KDM6A: variants seen among roughly 807,000 people sequenced by gnomAD.
KDM6A encodes lysine-specific demethylase 6A.
KDM6A carries 11 observed loss-of-function variants against 117.6 expected under a neutral mutation model. The ratio of observed to expected loss-of-function variants is 0.09; its 90% CI spans 0.06 to 0.15. The LOEUF (loss-of-function observed/expected upper bound fraction) is 0.15. Among genes scored for constraint, KDM6A ranks in the 10% least tolerant of loss-of-function variants. The pLI is 1.00. For missense variants in KDM6A, 799 were observed against 1,077.3 expected (o/e 0.74, Z 3.62); for synonymous variants, 384 against 396.1 (o/e 0.97, Z 0.36).
chrX:44,981,808 G>T (rs1602432945), intron 4 of KDM6A, among the ~76,000 whole-genome samples: 1 of 111,872 alleles, frequency 8.9e-6, no homozygotes, highest in Non-Finnish European at 1.9e-5. Flanking sequence ...AGGGCTGGGC[G>T]CAGTAGCTCA....
chrX:44,881,607 ATAT>A (rs1170775641), intron 2 of KDM6A, among the ~76,000 whole-genome samples: 1 of 108,096 alleles, frequency 9.3e-6, no homozygotes, highest in Non-Finnish European at 1.9e-5. Flanking sequence ...TTACTTCTGT[ATAT>A]TATTAAAACT....
At chrX:44,971,874 C>A (rs2039361483) in intron 3 of KDM6A, among the ~76,000 whole-genome samples, 1 of 110,655 alleles carries the variant, frequency 9.0e-6, no homozygotes, top group East Asian at 2.8e-4. Context: ...GCAGCAAGGT[C>A]TGATAAGTGA....
chrX:45,040,291 C>A (rs1487081257), intron 8 of KDM6A, among the ~76,000 whole-genome samples: 20 of 100,401 alleles, frequency 2.0e-4, no homozygotes, highest in African/African-American at 7.3e-4. Context: ...CCACCTCCCT[C>A]CCGGACGGGG....
chrX:45,040,693 C>T, intron 8 of KDM6A, among the ~76,000 whole-genome samples: 1 of 74,342 alleles, frequency 1.3e-5, no homozygotes, highest in African/African-American at 5.4e-5. Flanking sequence ...CCACCTCCCT[C>T]CCGGACGGGG....
In KDM6A at chrX:45,076,645, T is replaced by C. The variant is rs1028268420; in HGVS notation, c.2859-52T>C. The stretch of plus-strand genomic sequence containing the variant: ...TAATTCAGGATTCTTTTTTTTTTTT[T>C]CTGTTTTCCAAATAAATGTACAACT... On this transcript the variant is annotated intron_variant, in intron 18 of 29. Transcript: ENST00000611820. 7.7e-6 allele frequency: 7 copies of C among 913,023 alleles called. No individual in the cohort carries two copies. In the African/African-American group the frequency reaches 1.2e-4, roughly 16 times the overall value. The allele number at this position is 913,023 out of a possible 1,213,427, so 75.2% of individuals were successfully genotyped here. A position where few individuals can be genotyped will look rare whatever the true frequency, so the allele number is the denominator to read the frequency against.
chrX:44,911,806 C>T (rs1602158992), intron 2 of KDM6A, among the ~76,000 whole-genome samples: 1 of 112,169 alleles, frequency 8.9e-6, no homozygotes, highest in Admixed American at 9.4e-5. Context: ...TGGCAGGTCA[C>T]TCCGGGTTAG....
intron 2 of KDM6A, among the ~76,000 whole-genome samples, chrX:44,937,391 TA>T (rs1425211752): frequency 2.7e-5 from 3 of 111,690 alleles, no homozygotes; most frequent in Non-Finnish European, 5.6e-5. Flanking sequence ...ATCACAAATC[TA>T]TTGGAACCAT....
intron 6 of KDM6A, among the ~76,000 whole-genome samples, chrX:45,023,739 A>G (rs2042259258): frequency 9.0e-6 from 1 of 111,285 alleles, no homozygotes. Flanking sequence ...TGGTGCACCC[A>G]TCACCTGAGC....
chrX:45,042,137 A>G (rs1270141386), intron 8 of KDM6A, among the ~76,000 whole-genome samples: 2 of 108,350 alleles, frequency 1.8e-5, no homozygotes, highest in African/African-American at 6.9e-5. Flanking sequence ...CTGCAATCGC[A>G]GGCACTCGGC....
At chrX:45,016,551 G>A (rs1487558991) in intron 5 of KDM6A, among the ~76,000 whole-genome samples, 4 of 110,948 alleles carry the variant, frequency 3.6e-5, no homozygotes, top group Non-Finnish European at 1.9e-5. Context: ...CCAGGCTGGA[G>A]TGCAGTGGCA....
chrX:44,950,043 G>A (rs984305028), intron 2 of KDM6A, among the ~76,000 whole-genome samples: 1 of 108,137 alleles, frequency 9.2e-6, no homozygotes, highest in African/African-American at 3.4e-5. Flanking sequence ...TTGAGATGGA[G>A]TCTCGCTCTG....
In KDM6A at chrX:45,069,752, C is replaced by T. The variant is rs1489043870; in HGVS notation, c.2253C>T (p.Leu751=). The change falls in exon 18 of 30, where the codon CTC becomes CTT. Residue 751 remains leucine, a synonymous_variant. Transcript: ENST00000611820. The part of the protein sequence containing the change: ...SVTQGAALNH[L]SSHTATSGGQ... Reference sequence around the variant, plus strand: ...CACAGGGGGCTGCTCTCAATCACCTCTCCTCTCACACTGCTACCTCAGGTG... The same window carrying T: ...CACAGGGGGCTGCTCTCAATCACCTTTCCTCTCACACTGCTACCTCAGGTG... The T allele has an allele frequency of 6.6e-6, 8 of 1,207,877 alleles. No individual in the cohort carries two copies. The East Asian group carries it at 2.4e-4, about 36-fold the overall frequency.
intron 2 of KDM6A, among the ~76,000 whole-genome samples, chrX:44,941,583 C>T (rs924168963): frequency 9.2e-6 from 1 of 108,339 alleles, no homozygotes; most frequent in African/African-American, 3.4e-5. Context: ...CGGGTTCACA[C>T]CATTCTCCTG....
rs866216423 is a variant in KDM6A at position 45,069,652 on chromosome X, C to T, written c.2153C>T (p.Ser718Phe). Residue 718 changes from serine (S) to phenylalanine (F), a missense_variant, in exon 18 of 30, where the codon TCC becomes TTC. Ser to Phe is a radical substitution (Grantham distance 155). Transcript: ENST00000611820. ...GERPLSSTGP[S>F]QHLQAAGSGI... is the part of the protein sequence containing the mutation. The stretch of plus-strand genomic sequence containing the variant: ...CGACCTCTCTCTTCCACTGGGCCTT[C>T]CCAGCATCTCCAGGCAGCTGGCTCT... The T allele has an allele frequency of 8.3e-7, 1 of 1,210,168 alleles. No homozygotes were observed. Among genetic ancestry groups the T allele is most frequent in the Non-Finnish European group, 1.1e-6 (1 of 894,436 alleles).
At chrX:45,022,149 CTA>C (rs1392751734) in intron 6 of KDM6A, among the ~76,000 whole-genome samples, 1 of 112,067 alleles carries the variant, frequency 8.9e-6, no homozygotes, top group Non-Finnish European at 1.9e-5. Flanking sequence ...TGGAATGTGA[CTA>C]TGCGTGTATC....
At chrX:44,957,050 C>G (rs1472885757) in intron 2 of KDM6A, among the ~76,000 whole-genome samples, 1 of 110,374 alleles carries the variant, frequency 9.1e-6, no homozygotes, top group African/African-American at 3.3e-5. Flanking sequence ...GAATCGCTTG[C>G]ACGCAGGAGG....
In KDM6A at chrX:44,873,999, G is replaced by C. The variant is rs754235094; in HGVS notation, c.225+12G>C. On this transcript the variant is annotated intron_variant, in intron 2 of 29. Transcript: ENST00000611820. ...CCCTACTGGGCAAGGTAAGGCAGCT[G>C]CGAGTCGGAGCGCGGACACCGTCTC... 8.3e-7 allele frequency: 1 copy of C among 1,202,557 alleles called. No individual in the cohort carries two copies. Among genetic ancestry groups the C allele is most frequent in the East Asian group, 3.0e-5 (1 of 33,702 alleles).
chrX:45,081,489 T>C (rs1276677738), intron 21 of KDM6A, among the ~76,000 whole-genome samples: 2 of 112,513 alleles, frequency 1.8e-5, no homozygotes, highest in Non-Finnish European at 3.8e-5. Flanking sequence ...TAATTCATTG[T>C]GGAATAAATA....
intron 2 of KDM6A, among the ~76,000 whole-genome samples, chrX:44,922,449 T>C (rs2036019267): frequency 9.0e-6 from 1 of 111,679 alleles, no homozygotes; most frequent in Non-Finnish European, 1.9e-5. Context: ...TTGATGTCTT[T>C]TGTCCATTTT....
Sources: allele counts gnomAD v4.1 joint callset (sites outside exome capture counted in the v4.1 genomes callset), GRCh38; gene constraint gnomAD v4.1.1; transcripts MANE v1.5; gene names NCBI Gene and HGNC (gene_info 2026-07-23, HGNC 2026-07-21).